MUC15: variants seen among roughly 807,000 people sequenced by gnomAD.
The protein encoded by MUC15 is mucin 15, cell surface associated.
A neutral mutation model predicts 24.0 loss-of-function variants in MUC15; 23 were observed. The ratio of observed to expected loss-of-function variants is 0.96; its 90% CI spans 0.69 to 1.36. MUC15 has a LOEUF of 1.36. MUC15 is among the 40% of genes most tolerant of loss of function. The pLI is 0.00. For synonymous variants in MUC15, 151 were observed against 156.3 expected (o/e 0.97, Z 0.25); for missense variants, 442 against 428.2 (o/e 1.03, Z -0.29).
Position 26,563,395 on chromosome 11 carries a change from C to CTGTGTGTGTG in MUC15, c.776-140_776-131dup, listed in dbSNP as rs71047867. The CTGTGTGTGTG allele has an allele frequency of 5.9e-4, 317 of 540,082 alleles. 1 individual carries two copies. Among genetic ancestry groups the CTGTGTGTGTG allele is most frequent in the African/African-American group, 4.7e-3 (234 of 49,604 alleles). The allele number at this position is 540,082 out of a possible 1,614,324, so 33.5% of individuals were successfully genotyped here. The stretch of plus-strand genomic sequence containing the variant: ...ATTAGATAATGGTGTGTTTCTCTCT[C>CTGTGTGTGTG]TGTGTGTGTGTGTGTGTGTGTGTGT... On this transcript the variant is annotated intron_variant, in intron 3 of 4. Coordinates refer to ENST00000529533, the MANE Select transcript of MUC15 (RefSeq NM_001135091.2).
chr11:26,565,827 G>T lies in MUC15; in HGVS notation c.113C>A (p.Ser38Ter). The change falls in exon 3 of 5, where the codon TCA (serine) becomes TAA (stop). Residue 38 changes from serine to a stop codon, truncating the protein, a stop_gained. Coordinates refer to ENST00000529533, the MANE Select transcript of MUC15 (RefSeq NM_001135091.2). LOFTEE classifies it high-confidence loss of function. ...CGATAGAAGTGAATAAAACAACGTTGAAATCAACAGAATTTTGGCTAAGGC... is the reference window on the plus strand; with the variant it reads ...CGATAGAAGTGAATAAAACAACGTTTAAATCAACAGAATTTTGGCTAAGGC... The part of the protein sequence containing the change: ...MLALAKILLI[S>*]TLFYSLLSGS... 1 of 1,612,606 alleles carries T rather than the reference G, an allele frequency of 6.2e-7. No homozygotes were observed. The highest frequency in any genetic ancestry group is 8.5e-7 in the Non-Finnish European group (1 of 1,179,264).
chr11:26,563,376 T>A, intron 3 of MUC15, 111 bp from the exon 4 acceptor site: 4 of 1,124,830 alleles, frequency 3.6e-6, no homozygotes, highest in Non-Finnish European at 4.8e-6. Flanking sequence ...TAAAATTAGA[T>A]AATGGTGTGT....
chr11:26,571,379 TACC>T (rs1850820175), intron 1 of MUC15, among the ~76,000 whole-genome samples: 2 of 152,164 alleles, frequency 1.3e-5, no homozygotes, highest in South Asian at 2.1e-4. Flanking sequence ...TAAGAAATTT[TACC>T]ACATTTTCAT....
chr11:26,569,482 C>A (rs1850733231), intron 1 of MUC15, among the ~76,000 whole-genome samples: 1 of 152,052 alleles, frequency 6.6e-6, no homozygotes, highest in Non-Finnish European at 1.5e-5. Context: ...ACTCAGGTTC[C>A]TTTCATCTTA....
chr11:26,564,728 CACACAT>C (rs1850474571), intron 3 of MUC15, among the ~76,000 whole-genome samples: 19 of 36,160 alleles, frequency 5.3e-4, no homozygotes, highest in African/African-American at 8.9e-4. Context: ...CACACACACA[CACACAT>C]ATATATATAT....
chr11:26,560,083 T>C lies in MUC15; in HGVS notation c.*982A>G. ...TGAAACATACTAGAATCCAAATTAA[T>C]CTTCTTATATTATTGATTATGAAAC... On this transcript the variant is annotated 3_prime_UTR_variant, in exon 5 of 5. Transcript: ENST00000529533. The C allele has an allele frequency of 3.8e-6, 1 of 266,148 alleles. No homozygotes were observed. Among genetic ancestry groups the C allele is most frequent in the Non-Finnish European group, 7.1e-6 (1 of 141,366 alleles). 16.5% of individuals were successfully genotyped at this position (266,148 alleles called of 1,614,324 possible).
At chr11:26,569,507 G>A (rs1217908786) in intron 1 of MUC15, among the ~76,000 whole-genome samples, 1 of 152,000 alleles carries the variant, frequency 6.6e-6, no homozygotes, top group East Asian at 1.9e-4. Context: ...CGTAGAAGCA[G>A]CCAGGAATTG....
chr11:26,567,633 T>C lies in MUC15; in HGVS notation c.-45-494A>G, dbSNP rs778368705. 2.0e-4 allele frequency among the ~76,000 whole-genome samples: 31 copies of C among 151,998 alleles called. 2 individuals carry two copies. Among genetic ancestry groups the C allele is most frequent in the Non-Finnish European group, 5.9e-5 (4 of 67,942 alleles). On this transcript the variant is annotated intron_variant, in intron 1 of 4. Transcript: ENST00000529533. ...CTTTTAGCAAGCAATTGCATAATCATATACTTCTAGAATTTTAGACATATT... is the reference window on the plus strand; with the variant it reads ...CTTTTAGCAAGCAATTGCATAATCACATACTTCTAGAATTTTAGACATATT...
chr11:26,571,403 GT>G (rs1850820984), intron 1 of MUC15, among the ~76,000 whole-genome samples: 1 of 152,020 alleles, frequency 6.6e-6, no homozygotes, highest in South Asian at 2.1e-4. Context: ...TTCATAGGAT[GT>G]TTTCTGTAGT....
Position 26,559,570 on chromosome 11 carries a change from C to T in MUC15, c.*1495G>A. The T allele has an allele frequency of 1.6e-6, 1 of 606,824 alleles. No individual in the cohort carries two copies. Among genetic ancestry groups the T allele is most frequent in the Non-Finnish European group, 2.9e-6 (1 of 342,596 alleles). 37.6% of individuals were successfully genotyped at this position (606,824 alleles called of 1,614,324 possible). A position where few individuals can be genotyped will look rare whatever the true frequency, so the allele number is the denominator to read the frequency against. ...AATCATGTGAAATTGTTGCAAGACC[C>T]ATGAAAGGAATTCATATATAATATT... On this transcript the variant is annotated 3_prime_UTR_variant, in exon 5 of 5. Coordinates refer to ENST00000529533, the MANE Select transcript of MUC15 (RefSeq NM_001135091.2).
At chr11:26,568,939 C>A (rs933216389) in intron 1 of MUC15, among the ~76,000 whole-genome samples, 1 of 152,026 alleles carries the variant, frequency 6.6e-6, no homozygotes, top group Admixed American at 6.6e-5. Flanking sequence ...ATTATTATGG[C>A]ATTCGATTTA....
intron 2 of MUC15, 49 bp from the exon 3 acceptor site, chr11:26,565,945 GT>G: frequency 7.0e-7 from 1 of 1,420,224 alleles, no homozygotes; most frequent in East Asian, 2.4e-5. Context: ...AATACTCTGA[GT>G]TTTTAAATGG....
chr11:26,570,868 C>T (rs1308111693), intron 1 of MUC15, among the ~76,000 whole-genome samples: 2 of 151,990 alleles, frequency 1.3e-5, no homozygotes, highest in Non-Finnish European at 2.9e-5. Context: ...AGACATCCTT[C>T]TAAAAATGCC....
At chr11:26,565,962 T>C in intron 2 of MUC15, 66 bp from the exon 3 acceptor site, 1 of 1,356,078 alleles carries the variant, frequency 7.4e-7, no homozygotes, top group Non-Finnish European at 9.8e-7. Context: ...AATGGATCTA[T>C]ATATTTTAAA....
chr11:26,560,019 ATTT>A lies in MUC15; in HGVS notation c.*1043_*1045del. ...TAGACTTTCCTACATCAAGGAACAT[ATTT>A]TTTCTACCAAAGGAAGGTGGTAATT... On this transcript the variant is annotated 3_prime_UTR_variant, in exon 5 of 5. Transcript: ENST00000529533. The A allele has an allele frequency of 5.4e-6, 2 of 368,316 alleles. No homozygotes were observed. 22.8% of individuals were successfully genotyped at this position (368,316 alleles called of 1,614,324 possible).
intron 4 of MUC15, among the ~76,000 whole-genome samples, chr11:26,562,609 G>A (rs1212312879): frequency 6.6e-6 from 1 of 151,858 alleles, no homozygotes; most frequent in African/African-American, 2.4e-5. Flanking sequence ...AAGGTACAAT[G>A]TGACTGTGTG....
At chr11:26,565,917 T>C (rs1850562591) in intron 2 of MUC15, 21 bp from the exon 3 acceptor site, 3 of 1,540,998 alleles carry the variant, frequency 1.9e-6, no homozygotes, top group Non-Finnish European at 1.7e-6. Context: ...ATAACCATAA[T>C]TTGAATTCCT....
Position 26,565,310 on chromosome 11 carries a change from C to T in MUC15, c.630G>A (p.Leu210=). The change falls in exon 3 of 5, where the codon TTG becomes TTA. Residue 210 remains leucine, a synonymous_variant. Coordinates refer to ENST00000529533, the MANE Select transcript of MUC15 (RefSeq NM_001135091.2). ...SEPTSPSVTP[L]IVEPSGWLTT... is the part of the protein sequence containing the mutation. ...TAAGCCATCCACTTGGTTCCACTAT[C>T]AAGGGGGTCACAGATGGAGAAGTTG... 2 of 1,595,164 alleles carry T rather than the reference C, an allele frequency of 1.3e-6. No homozygotes were observed. The highest frequency in any genetic ancestry group is 1.7e-6 in the Non-Finnish European group (2 of 1,169,368).
intron 1 of MUC15, among the ~76,000 whole-genome samples, chr11:26,570,334 G>A (rs1168769667): frequency 1.3e-5 from 2 of 151,926 alleles, no homozygotes; most frequent in Admixed American, 6.6e-5. Flanking sequence ...AACACCTCTG[G>A]CCAGTAAGGG....
Sources: gnomAD v4.1 joint callset for allele counts (sites outside exome capture counted in the v4.1 genomes callset) on GRCh38, gnomAD v4.1.1 for gene constraint, MANE v1.5 for transcripts, NCBI Gene and HGNC (gene_info 2026-07-23, HGNC 2026-07-21) for gene names.